Variants in MORN1 observed in about 807,000 individuals in gnomAD.
MORN1 encodes MORN repeat-containing protein 1.
A neutral mutation model predicts 61.9 loss-of-function variants in MORN1; 67 were observed. The observed-to-expected ratio is 1.08, with a 90% CI of 0.89 to 1.33. The LOEUF is 1.33. Ranked by LOEUF, MORN1 falls within the 40% of genes most tolerant of loss-of-function variation. MORN1 has a pLI of 0.00. For synonymous variants in MORN1, 301 were observed against 292.0 expected (o/e 1.03, Z -0.31); for missense variants, 752 against 691.2 (o/e 1.09, Z -0.99).
At chr1:2,330,586 G>A (rs1641127481) in intron 12 of MORN1, among the ~76,000 whole-genome samples, 1 of 152,206 alleles carries the variant, frequency 6.6e-6, no homozygotes. Flanking sequence ...AAAATTAATT[G>A]ACTCCATCTG....
At chr1:2,324,926 G>T (rs139965926) in intron 12 of MORN1, among the ~76,000 whole-genome samples, 1 of 151,882 alleles carries the variant, frequency 6.6e-6, no homozygotes, top group Non-Finnish European at 1.5e-5. Context: ...CCCTGAGGAC[G>T]TGGCCATGGC....
At chr1:2,388,135 C>T in intron 3 of MORN1, 104 bp downstream of exon 3, 1 of 899,312 alleles carries the variant, frequency 1.1e-6, no homozygotes, top group Admixed American at 2.0e-5. Context: ...CGGCACAAAG[C>T]TTCCCGTCTA....
intron 12 of MORN1, among the ~76,000 whole-genome samples, chr1:2,324,825 C>T (rs1404055581): frequency 6.6e-6 from 1 of 152,060 alleles, no homozygotes; most frequent in African/African-American, 2.4e-5. Flanking sequence ...AGTGATGGGC[C>T]TGTTCCTCCT....
chr1:2,324,997 T>G (rs1043300553), intron 12 of MORN1, among the ~76,000 whole-genome samples: 1 of 151,676 alleles, frequency 6.6e-6, no homozygotes, highest in Admixed American at 6.6e-5. Flanking sequence ...GTGCCTCCGA[T>G]GCTCCTGCTG....
intron 7 of MORN1, among the ~76,000 whole-genome samples, chr1:2,373,048 G>A (rs776888995): frequency 6.6e-6 from 1 of 152,214 alleles, no homozygotes; most frequent in Non-Finnish European, 1.5e-5. Context: ...GTGCCTCCTG[G>A]CAGCCAGGGC....
In MORN1 at chr1:2,366,997, CACATAGAAAAAT is replaced by C. The variant is rs1254453413; in HGVS notation, c.745+5472_745+5483del. The stretch of plus-strand genomic sequence containing the variant: ...ATACATAGAAAAATACATAGAAAAA[CACATAGAAAAAT>C]ACATAGAAAAATACGTAGAAAAACA... On this transcript the variant is annotated intron_variant, in intron 8 of 13. Coordinates refer to ENST00000378531, the MANE Select transcript of MORN1 (RefSeq NM_024848.3). Among the ~76,000 whole-genome samples the C allele has an allele frequency of 3.1e-3, 265 of 84,760 alleles. 1 individual carries two copies. The highest frequency in any genetic ancestry group is 7.4e-3 in the Middle Eastern group (1 of 136). 55.6% of individuals were successfully genotyped at this position (84,760 alleles called of 152,430 possible).
intron 1 of MORN1, chr1:2,390,733 G>A: frequency 2.0e-6 from 2 of 984,608 alleles, no homozygotes; most frequent in Non-Finnish European, 2.4e-6. Flanking sequence ...TCTAGAAACA[G>A]TTCCTATCAA....
At chr1:2,322,270 C>A in intron 13 of MORN1, 1 of 985,486 alleles carries the variant, frequency 1.0e-6, no homozygotes, top group African/African-American at 1.7e-5. Context: ...ATCCTCTCCC[C>A]TCCCCTGAGC....
At position 2,341,836 on chromosome 1, in the gene MORN1, C is replaced by T. The variant is rs534279840; in HGVS notation, c.1037-4986G>A. 8.7e-4 allele frequency among the ~76,000 whole-genome samples: 132 copies of T among 152,398 alleles called. 1 individual carries two copies. The highest frequency in any genetic ancestry group is 5.0e-3 in the East Asian group (26 of 5,190). On this transcript the variant is annotated intron_variant, in intron 10 of 13. Transcript: ENST00000378531. Reference sequence around the variant, plus strand: ...CCGTCAGTGGAGATCCTCTCTTCCCCGTCTGAGTGGTGCCCGCCAGCCCGA... The same window carrying T: ...CCGTCAGTGGAGATCCTCTCTTCCCTGTCTGAGTGGTGCCCGCCAGCCCGA...
chr1:2,333,085 G>C (rs1641194165), intron 12 of MORN1, among the ~76,000 whole-genome samples: 1 of 152,240 alleles, frequency 6.6e-6, no homozygotes, highest in South Asian at 2.1e-4. Flanking sequence ...GGGGTCCTTA[G>C]GAAGGATAAA....
Position 2,385,029 on chromosome 1 carries a change from G to T in MORN1, c.486C>A (p.Asp162Glu). 2 of 1,600,052 alleles carry T rather than the reference G, an allele frequency of 1.2e-6. No individual in the cohort carries two copies. Among genetic ancestry groups the T allele is most frequent in the Non-Finnish European group, 1.7e-6 (2 of 1,174,910 alleles). ...GDKYDGDWVR[D>E]RRQGHGVLRC... The stretch of plus-strand genomic sequence containing the variant: ...GCAGCACCCCGTGTCCCTGACGCCG[G>T]TCCCGGACCCAGTCGCCGTCGTACT... The change falls in exon 6 of 14, where the codon GAC (aspartate) becomes GAA (glutamate). Residue 162 changes from aspartate (D) to glutamate (E), a missense_variant. Asp to Glu is a conservative substitution (Grantham distance 45). Coordinates refer to ENST00000378531, the MANE Select transcript of MORN1 (RefSeq NM_024848.3).
intron 13 of MORN1, chr1:2,323,146 G>T: frequency 3.0e-6 from 3 of 985,454 alleles, no homozygotes; most frequent in South Asian, 4.7e-5. Flanking sequence ...GCTGGGACGC[G>T]GTGGACCGGT....
chr1:2,382,370 C>T (rs1296121547), intron 6 of MORN1, among the ~76,000 whole-genome samples: 1 of 152,186 alleles, frequency 6.6e-6, no homozygotes. Flanking sequence ...CACCTATGCC[C>T]TGCTCGGACT....
Position 2,334,829 on chromosome 1 carries a change from C to G in MORN1, c.1250+1640G>C, listed in dbSNP as rs1309571492. Among the ~76,000 whole-genome samples the G allele has an allele frequency of 6.6e-6, 1 of 152,210 alleles. No individual in the cohort carries two copies. The highest frequency in any genetic ancestry group is 1.5e-5 in the Non-Finnish European group (1 of 68,030). ...TCTCTCAGGTGGAAAAGAACGAAAGCCTTCTTTCTGCTGAAATAAGACGTT... is the reference window on the plus strand; with the variant it reads ...TCTCTCAGGTGGAAAAGAACGAAAGGCTTCTTTCTGCTGAAATAAGACGTT... On this transcript the variant is annotated intron_variant, in intron 12 of 13. Transcript: ENST00000378531. The surrounding 1 kb of genome is among the most constrained non-coding windows in gnomAD (Gnocchi z 5.4).
intron 3 of MORN1, chr1:2,387,736 C>T (rs746239571): frequency 5.2e-6 from 3 of 579,434 alleles, no homozygotes; most frequent in African/African-American, 1.9e-5. Context: ...CAGACAGCCC[C>T]AGGCAGACAC....
chr1:2,352,564 T>C (rs2645082), intron 10 of MORN1: 126,677 of 152,270 alleles, frequency 0.83, 53,069 homozygotes, highest in African/African-American at 0.93. Flanking sequence ...GGGAGCCACC[T>C]GAGGGGCTTG....
Position 2,372,681 on chromosome 1 carries a change from C to T in MORN1, c.635-90G>A, listed in dbSNP as rs183448495. On this transcript the variant is annotated intron_variant, in intron 7 of 13. Coordinates refer to ENST00000378531, the MANE Select transcript of MORN1 (RefSeq NM_024848.3). The surrounding 1 kb of genome is among the most constrained non-coding windows in gnomAD (Gnocchi z 5.4). ...AGTCAGCAGTGGGCACCCCAGGAAC[C>T]GACCAGAGCCCAGTGTGGCAGCTGG... The T allele has an allele frequency of 1.7e-3, 1,612 of 933,592 alleles. 8 individuals are homozygous for T. The highest frequency in any genetic ancestry group is 2.0e-3 in the Non-Finnish European group (1,216 of 612,610). 57.8% of individuals were successfully genotyped at this position (933,592 alleles called of 1,614,324 possible). A position where few individuals can be genotyped will look rare whatever the true frequency, so the allele number is the denominator to read the frequency against.
At chr1:2,390,999 G>A (rs192719170) in intron 1 of MORN1, among the ~76,000 whole-genome samples, 10 of 152,298 alleles carry the variant, frequency 6.6e-5, no homozygotes, top group African/African-American at 1.9e-4. Flanking sequence ...ACCCGCCTCG[G>A]CCTCCCAAAG....
intron 12 of MORN1, among the ~76,000 whole-genome samples, chr1:2,325,187 CTTCACTTCCTTCT>C (rs1640995218): frequency 9.1e-6 from 1 of 110,142 alleles, no homozygotes; most frequent in Non-Finnish European, 1.9e-5. Context: ...CCTTCCCTTC[CTTCACTTCCTTCT>C]TTTTTTTCTT....
Sources: gnomAD v4.1 joint callset for allele counts (sites outside exome capture counted in the v4.1 genomes callset) on GRCh38, gnomAD v4.1.1 for gene constraint, Gnocchi (gnomAD v3.1) non-coding constraint, MANE v1.5 for transcripts, NCBI Gene and HGNC (gene_info 2026-07-23, HGNC 2026-07-21) for gene names.